The following GPC5 variants were observed in gnomAD, a reference collection of about 807,000 sequenced individuals.
GPC5 encodes the protein glypican-5.
Under a neutral mutation model 53.9 loss-of-function variants are expected in GPC5, and 47 were observed. The ratio of observed to expected loss-of-function variants is 0.87; its 90% confidence interval spans 0.69 to 1.11. The LOEUF is 1.11. Ranked by LOEUF, GPC5 falls within the 50% of genes most tolerant of loss-of-function variation. GPC5 has a pLI of 0.00. For missense variants in GPC5, 748 were observed against 713.1 expected (o/e 1.05, Z -0.56); for synonymous variants, 286 against 263.3 (o/e 1.09, Z -0.84).
chr13:91,935,657 G>C (rs1469106450), intron 6 of GPC5, among the ~76,000 whole-genome samples: 1 of 152,000 alleles, frequency 6.6e-6, no homozygotes, highest in Non-Finnish European at 1.5e-5. Context: ...TTTGGCTTAA[G>C]TTTGATTGAT....
intron 2 of GPC5, among the ~76,000 whole-genome samples, chr13:91,569,975 C>A (rs117729137): frequency 6.6e-6 from 1 of 151,690 alleles, no homozygotes; most frequent in African/African-American, 2.4e-5. Flanking sequence ...GACAAATGGA[C>A]GAAGATAATA....
At chr13:91,856,583 T>C (rs1319629686) in intron 5 of GPC5, among the ~76,000 whole-genome samples, 2 of 151,508 alleles carry the variant, frequency 1.3e-5, no homozygotes, top group South Asian at 2.1e-4. Flanking sequence ...CATGTGCATC[T>C]TGGCCATTCG....
chr13:92,413,521 C>T (rs1385756828), intron 7 of GPC5, among the ~76,000 whole-genome samples: 1 of 152,100 alleles, frequency 6.6e-6, no homozygotes, highest in East Asian at 1.9e-4. Flanking sequence ...TTAGGGATAT[C>T]AGTTACTTTC....
chr13:91,771,217 A>T (rs921034687), intron 5 of GPC5, among the ~76,000 whole-genome samples: 4 of 152,186 alleles, frequency 2.6e-5, no homozygotes, highest in Non-Finnish European at 4.4e-5. Flanking sequence ...AAGAAACAAA[A>T]TTCTCACCCT....
At chr13:91,568,730 A>G (rs980436429) in intron 2 of GPC5, among the ~76,000 whole-genome samples, 3 of 151,542 alleles carry the variant, frequency 2.0e-5, no homozygotes, top group African/African-American at 7.2e-5. Context: ...CAAATCATGT[A>G]CCATATGTTA....
In GPC5 at chr13:92,385,456, A is replaced by G. The variant is rs1450896744; in HGVS notation, c.1561+240467A>G. Among the ~76,000 whole-genome samples the G allele has an allele frequency of 5.3e-5, 7 of 132,700 alleles. 1 individual carries two copies. Among genetic ancestry groups the G allele is most frequent in the African/African-American group, 2.0e-4 (7 of 34,312 alleles). The allele number at this position is 132,700 out of a possible 152,430, so 87.1% of individuals were successfully genotyped here. On this transcript the variant is annotated intron_variant, in intron 7 of 7. Transcript: ENST00000377067. ...TATATACATATATACATATATACAT[A>G]TATACACATATATACATATATACAT...
Position 92,751,753 on chromosome 13 carries a change from T to TAAAAAAA in GPC5, c.1562-114523_1562-114522insAAAAAAA, listed in dbSNP as rs1889409466. ...CTAGAACTTAAAGTATAAAAAAAAA[T>TAAAAAAA]AAAAAATAAAAACACTTCAATACTT... On this transcript the variant is annotated intron_variant, in intron 7 of 7. Coordinates refer to ENST00000377067, the MANE Select transcript of GPC5 (RefSeq NM_004466.6). Among the ~76,000 whole-genome samples, 3 of 151,794 alleles carry TAAAAAAA rather than the reference T, an allele frequency of 2.0e-5. No individual in the cohort carries two copies. In the South Asian group the frequency reaches 6.2e-4, roughly 32 times the overall value.
At chr13:92,408,606 G>A (rs1412732178) in intron 7 of GPC5, among the ~76,000 whole-genome samples, 6 of 149,476 alleles carry the variant, frequency 4.0e-5, no homozygotes, top group Non-Finnish European at 5.9e-5. Flanking sequence ...TAGCTCCTGC[G>A]ATCTACCTTA....
chr13:91,461,083 A>C (rs765231290), intron 2 of GPC5, among the ~76,000 whole-genome samples: 2 of 152,146 alleles, frequency 1.3e-5, no homozygotes, highest in African/African-American at 4.8e-5. Flanking sequence ...CAGTAAATAA[A>C]GGGTAATTGT....
At chr13:92,250,361 T>A (rs1353610088) in intron 7 of GPC5, among the ~76,000 whole-genome samples, 2 of 152,152 alleles carry the variant, frequency 1.3e-5, no homozygotes, top group African/African-American at 4.8e-5. Context: ...TTGGTTTGAA[T>A]TAAAACCTGT....
intron 7 of GPC5, among the ~76,000 whole-genome samples, chr13:92,586,974 A>C (rs1046344596): frequency 6.6e-6 from 1 of 151,744 alleles, no homozygotes; most frequent in African/African-American, 2.4e-5. Context: ...GCGCACACAC[A>C]CACACGCACA....
chr13:91,980,103 A>G (rs2040343975), intron 6 of GPC5, among the ~76,000 whole-genome samples: 1 of 152,236 alleles, frequency 6.6e-6, no homozygotes, highest in Non-Finnish European at 1.5e-5. Flanking sequence ...AGGGAAAAAA[A>G]GCTTCCAAAG....
intron 2 of GPC5, among the ~76,000 whole-genome samples, chr13:91,652,670 A>G (rs2034745490): frequency 6.6e-6 from 1 of 152,192 alleles, no homozygotes; most frequent in Non-Finnish European, 1.5e-5. Context: ...TTTAAAGCCT[A>G]TATATTGTTT....
intron 7 of GPC5, among the ~76,000 whole-genome samples, chr13:92,771,091 G>A (rs1875595993): frequency 6.6e-6 from 1 of 152,052 alleles, no homozygotes; most frequent in African/African-American, 2.4e-5. Flanking sequence ...GAGTGGGTGG[G>A]GGCTGGACTC....
At chr13:91,664,179 C>G (rs1313949414) in intron 2 of GPC5, among the ~76,000 whole-genome samples, 1 of 152,202 alleles carries the variant, frequency 6.6e-6, no homozygotes, top group East Asian at 1.9e-4. Context: ...GTATATAACT[C>G]TATGACTTTT....
At chr13:92,038,394 A>AGATAGATAGATC (rs1231436126) in intron 6 of GPC5, among the ~76,000 whole-genome samples, 2 of 149,374 alleles carry the variant, frequency 1.3e-5, no homozygotes, top group Non-Finnish European at 3.0e-5. Context: ...GTAGATAGAT[A>AGATAGATAGATC]GATCGATCCC....
chr13:92,036,191 T>C (rs1470400929), intron 6 of GPC5, among the ~76,000 whole-genome samples: 1 of 152,234 alleles, frequency 6.6e-6, no homozygotes, highest in Non-Finnish European at 1.5e-5. Flanking sequence ...CGCTGATTGC[T>C]TATACATCAA....
At chr13:92,253,156 A>C (rs2042703755) in intron 7 of GPC5, among the ~76,000 whole-genome samples, 1 of 152,158 alleles carries the variant, frequency 6.6e-6, no homozygotes, top group African/African-American at 2.4e-5. Context: ...AATATGAGTA[A>C]GGTGAATAGG....
At chr13:91,505,999 T>C (rs920153604) in intron 2 of GPC5, among the ~76,000 whole-genome samples, 60 of 152,116 alleles carry the variant, frequency 3.9e-4, no homozygotes, top group African/African-American at 1.4e-3. Context: ...GAAACAAAGG[T>C]GATATATTTG....
Sources: gnomAD v4.1 joint callset for allele counts (sites outside exome capture counted in the v4.1 genomes callset) on GRCh38, gnomAD v4.1.1 for gene constraint, MANE v1.5 for transcripts, NCBI Gene and HGNC (gene_info 2026-07-23, HGNC 2026-07-21) for gene names.